The following SORCS3 variants were observed in gnomAD, a reference collection of about 807,000 sequenced individuals.
SORCS3 encodes the protein VPS10 domain-containing receptor SorCS3.
In SORCS3, 57 loss-of-function variants were observed where a neutral mutation model predicts 146.3. The ratio of observed to expected loss-of-function variants is 0.39; its 90% CI spans 0.31 to 0.49. The LOEUF is 0.49. Among genes scored for constraint, SORCS3 ranks in the 20% least tolerant of loss-of-function variants. The pLI, the probability that SORCS3 is intolerant of heterozygous loss-of-function variation, is 0.92. For synonymous variants in SORCS3, 653 were observed against 618.5 expected (o/e 1.06, Z -0.83); for missense variants, 1,341 against 1,575.5 (o/e 0.85, Z 2.52).
At chr10:104,942,777 T>A (rs2133619702) in intron 3 of SORCS3, among the ~76,000 whole-genome samples, 1 of 152,320 alleles carries the variant, frequency 6.6e-6, no homozygotes, top group Non-Finnish European at 1.5e-5. Context: ...AGAGGAGAAC[T>A]TCCTTAATGA....
chr10:104,681,612 C>T (rs1412967924), intron 1 of SORCS3, among the ~76,000 whole-genome samples: 1 of 152,136 alleles, frequency 6.6e-6, no homozygotes, highest in African/African-American at 2.4e-5. Context: ...GGTTCTTTCT[C>T]CATCACTAGG....
At chr10:104,768,365 A>G (rs1222280738) in intron 1 of SORCS3, among the ~76,000 whole-genome samples, 1 of 152,224 alleles carries the variant, frequency 6.6e-6, no homozygotes, top group Non-Finnish European at 1.5e-5. Context: ...GAGGTGAACA[A>G]CAGATAGTTT....
intron 2 of SORCS3, among the ~76,000 whole-genome samples, chr10:104,875,452 G>A (rs187765753): frequency 1.6e-4 from 24 of 152,180 alleles, no homozygotes; most frequent in Non-Finnish European, 2.9e-5. Flanking sequence ...ACAATGATAG[G>A]GTCTACTGTG....
At chr10:105,186,322 C>T (rs1171150603) in intron 14 of SORCS3, among the ~76,000 whole-genome samples, 4 of 152,196 alleles carry the variant, frequency 2.6e-5, no homozygotes, top group Non-Finnish European at 5.9e-5. Context: ...AGGCTTGCAA[C>T]TGTGTCTTAT....
chr10:105,004,848 A>G (rs1448344545), intron 4 of SORCS3, among the ~76,000 whole-genome samples: 1 of 151,952 alleles, frequency 6.6e-6, no homozygotes, highest in Middle Eastern at 3.2e-3. Context: ...CGAGAATGCA[A>G]CGTTCAGTCT....
At chr10:104,650,326 CAA>C (rs546186242) in intron 1 of SORCS3, among the ~76,000 whole-genome samples, 175 of 152,256 alleles carry the variant, frequency 1.1e-3, no homozygotes, top group Non-Finnish European at 1.9e-3. Flanking sequence ...AATAACAAGA[CAA>C]TGCTGTACCA....
At chr10:105,245,922 G>A (rs552684538) in intron 21 of SORCS3, among the ~76,000 whole-genome samples, 7 of 152,260 alleles carry the variant, frequency 4.6e-5, no homozygotes, top group South Asian at 2.1e-4. Flanking sequence ...ACAAAGACAC[G>A]TATCACAAAT....
At chr10:104,852,837 G>C (rs2018287936) in intron 2 of SORCS3, among the ~76,000 whole-genome samples, 1 of 152,196 alleles carries the variant, frequency 6.6e-6, no homozygotes, top group South Asian at 2.1e-4. Flanking sequence ...CTTACATTCT[G>C]TCAGCATCAG....
intron 4 of SORCS3, among the ~76,000 whole-genome samples, chr10:104,986,803 T>C (rs1301949678): frequency 2.0e-5 from 3 of 152,216 alleles, no homozygotes; most frequent in Non-Finnish European, 4.4e-5. Flanking sequence ...TTTCTACAGG[T>C]GTAATTTGTG....
intron 3 of SORCS3, among the ~76,000 whole-genome samples, chr10:104,966,979 T>C (rs1165748052): frequency 6.6e-6 from 1 of 150,426 alleles, no homozygotes; most frequent in South Asian, 2.1e-4. Context: ...TTTCAAAAGA[T>C]ACTGCACCAT....
chr10:104,975,649 G>C (rs563986859), intron 3 of SORCS3, among the ~76,000 whole-genome samples: 6 of 152,280 alleles, frequency 3.9e-5, no homozygotes, highest in Admixed American at 1.3e-4. Flanking sequence ...CACGTTACCT[G>C]ACTTCAAACT....
intron 1 of SORCS3, among the ~76,000 whole-genome samples, chr10:104,674,629 A>G (rs1233136123): frequency 1.3e-5 from 2 of 152,236 alleles, no homozygotes; most frequent in African/African-American, 4.8e-5. Context: ...TGGAAGACCC[A>G]GGTAAGATGT....
At chr10:104,893,358 T>C (rs930664813) in intron 2 of SORCS3, among the ~76,000 whole-genome samples, 2 of 152,214 alleles carry the variant, frequency 1.3e-5, no homozygotes, top group African/African-American at 4.8e-5. Context: ...GGCATCGCCA[T>C]ATGCAAAGCA....
intron 16 of SORCS3, among the ~76,000 whole-genome samples, chr10:105,206,386 T>G (rs1186414159): frequency 6.6e-6 from 1 of 152,186 alleles, no homozygotes; most frequent in Non-Finnish European, 1.5e-5. Context: ...TAATATAAAA[T>G]ATTTCTCTTA....
At chr10:104,769,179 C>A (rs999278231) in intron 1 of SORCS3, among the ~76,000 whole-genome samples, 3 of 152,182 alleles carry the variant, frequency 2.0e-5, no homozygotes, top group African/African-American at 7.2e-5. Context: ...TGTGTGGGCT[C>A]TTCACAATTG....
chr10:105,104,557 T>C (rs1262112691), intron 6 of SORCS3, among the ~76,000 whole-genome samples: 1 of 152,212 alleles, frequency 6.6e-6, no homozygotes, highest in African/African-American at 2.4e-5. Flanking sequence ...CAAGTAATTA[T>C]GTAAGTTTTG....
intron 4 of SORCS3, among the ~76,000 whole-genome samples, chr10:105,040,438 A>C (rs1173765119): frequency 6.6e-6 from 1 of 152,140 alleles, no homozygotes; most frequent in Non-Finnish European, 1.5e-5. Flanking sequence ...ACTAGGCCAT[A>C]TTGGCACCTT....
chr10:104,758,253 A>G (rs909152180), intron 1 of SORCS3, among the ~76,000 whole-genome samples: 10 of 152,080 alleles, frequency 6.6e-5, no homozygotes, highest in Non-Finnish European at 1.2e-4. Flanking sequence ...GGTGGGTATG[A>G]TATTATTCCA....
chr10:104,668,997 C>T (rs971177383), intron 1 of SORCS3, among the ~76,000 whole-genome samples: 2 of 152,198 alleles, frequency 1.3e-5, no homozygotes, highest in African/African-American at 4.8e-5. Flanking sequence ...GGACATGTGT[C>T]TGTGTTGATA....
Sources: gnomAD v4.1 joint callset for allele counts (sites outside exome capture counted in the v4.1 genomes callset) on GRCh38, gnomAD v4.1.1 for gene constraint, MANE v1.5 for transcripts, NCBI Gene and HGNC (gene_info 2026-07-23, HGNC 2026-07-21) for gene names.